KANTR: variants seen among roughly 807,000 people sequenced by gnomAD.
KANTR encodes KDM5C adjacent transcript.
chrX:53,132,616 G>A (rs1353700865), intron 2 of KANTR, among the ~76,000 whole-genome samples: 1 of 111,797 alleles, frequency 8.9e-6, no homozygotes, highest in Non-Finnish European at 1.9e-5. Context: ...TTGGGATTGG[G>A]GACTTTGGCC....
chrX:53,130,067 A>G (rs1369215964), downstream of KANTR, among the ~76,000 whole-genome samples: 1 of 110,721 alleles, frequency 9.0e-6, no homozygotes, highest in Non-Finnish European at 1.9e-5. Context: ...GGATTTCACC[A>G]TGTCGGTCAG....
chrX:53,100,935 C>T lies in KANTR; in HGVS notation c.-805+1327C>T, dbSNP rs142347312. Among the ~76,000 whole-genome samples, 1,073 of 112,695 alleles carry T rather than the reference C, an allele frequency of 9.5e-3. 14 individuals are homozygous for T. Among genetic ancestry groups the T allele is most frequent in the Non-Finnish European group, 0.014 (737 of 53,328 alleles). ...TTTATGTTACGGAGATGGCTTCTTT[C>T]CTTAAACCTCATGAACCGACTTTTG... On this transcript the variant is annotated intron_variant, in intron 2 of 2. Transcript: ENST00000604062.
At chrX:53,147,463 T>C (rs1462018280), downstream of KANTR, among the ~76,000 whole-genome samples, 1 of 111,516 alleles carries the variant, frequency 9.0e-6, no homozygotes, top group African/African-American at 3.3e-5. Context: ...CCTAGATTCA[T>C]AAAGCAAGTC....
At chrX:53,145,090 G>A (rs939009033), downstream of KANTR, among the ~76,000 whole-genome samples, 4 of 111,624 alleles carry the variant, frequency 3.6e-5, no homozygotes, top group Admixed American at 9.5e-5. Flanking sequence ...TGCAGAAGAC[G>A]GGTGATTTCT....
intron 2 of KANTR, among the ~76,000 whole-genome samples, chrX:53,104,085 G>C (rs1932918254): frequency 9.1e-6 from 1 of 110,373 alleles, no homozygotes. Flanking sequence ...TATTGCCCAG[G>C]CTGGACTTGA....
rs1556815936 is a variant in KANTR at position 53,124,324 on chromosome X, T to G, written c.52T>G (p.Phe18Val). Reference sequence around the variant, plus strand: ...GGTTATTTGTGCCTTCTCACTTTTTTTCTTGATCAATCTCACCAGAGGTTT... The same window carrying G: ...GGTTATTTGTGCCTTCTCACTTTTTGTCTTGATCAATCTCACCAGAGGTTT... The change falls in exon 3 of 3, where the codon TTC becomes GTC. Residue 18 changes from phenylalanine to valine, a missense_variant. Coordinates refer to ENST00000604062, the Ensembl canonical transcript of KANTR. 1.4e-5 allele frequency: 4 copies of G among 295,824 alleles called. No homozygotes were observed. In the East Asian group the frequency reaches 1.9e-4, roughly 14 times the overall value. 24.4% of individuals were successfully genotyped at this position (295,824 alleles called of 1,213,427 possible).
intron 2 of KANTR, among the ~76,000 whole-genome samples, chrX:53,115,251 A>ATGGCC (rs1244043718): frequency 2.7e-5 from 3 of 111,524 alleles, no homozygotes; most frequent in East Asian, 5.8e-4. Flanking sequence ...CTGGGACCAC[A>ATGGCC]TGGCCTGGCC....
intron 2 of KANTR, among the ~76,000 whole-genome samples, chrX:53,113,566 C>CTTTTT (rs782348418): frequency 4.3e-5 from 3 of 69,669 alleles, no homozygotes; most frequent in East Asian, 4.2e-4. Context: ...CCTGATTGTT[C>CTTTTT]TTTTTTTTTT....
At chrX:53,098,284 T>C (rs62595581) in intron 1 of KANTR, among the ~76,000 whole-genome samples, 3,153 of 111,196 alleles carry the variant, frequency 0.028, 38 homozygotes, top group Middle Eastern at 0.088. Context: ...GTATTTACCT[T>C]AATTTAAAAA....
Position 53,104,454 on chromosome X carries a change from T to C in KANTR, c.-805+4846T>C, listed in dbSNP as rs182508116. On this transcript the variant is annotated intron_variant, in intron 2 of 2. Transcript: ENST00000604062. The stretch of plus-strand genomic sequence containing the variant: ...GTTGGCCAGGGTGGTCTCAAACTCC[T>C]GACCTCAAGTGATCCACCCGCCTCG... Among the ~76,000 whole-genome samples the C allele has an allele frequency of 5.2e-3, 574 of 110,116 alleles. 2 individuals are homozygous for C. Among genetic ancestry groups the C allele is most frequent in the Non-Finnish European group, 9.3e-3 (491 of 52,753 alleles).
rs1411422366 is a variant in KANTR, at chrX:53,102,178, A to G, written c.-805+2570A>G. ...TTTGCCACAAACCTTCAATTAGTAA[A>G]AGACACAGTATCTGTGAAGTGCAGT... On this transcript the variant is annotated intron_variant, in intron 2 of 2. Transcript: ENST00000604062. Among the ~76,000 whole-genome samples the G allele has an allele frequency of 6.2e-5, 7 of 112,383 alleles. No individual in the cohort carries two copies. In the East Asian group the frequency reaches 2.0e-3, roughly 31 times the overall value.
chrX:53,145,171 C>CA (rs1933557021), downstream of KANTR, among the ~76,000 whole-genome samples: 2 of 111,266 alleles, frequency 1.8e-5, no homozygotes, highest in African/African-American at 6.5e-5. Context: ...ACAGTGGGTA[C>CA]AGTGCACTGA....
intron 2 of KANTR, among the ~76,000 whole-genome samples, chrX:53,140,558 C>G (rs1556818341): frequency 9.3e-6 from 1 of 107,643 alleles, no homozygotes; most frequent in African/African-American, 3.4e-5. Flanking sequence ...CAATTCTGTT[C>G]CTGGGTACAA....
intron 2 of KANTR, among the ~76,000 whole-genome samples, chrX:53,109,476 G>T (rs1273693018): frequency 9.0e-6 from 1 of 111,618 alleles, no homozygotes; most frequent in Non-Finnish European, 1.9e-5. Context: ...TAGAGATGGG[G>T]TTTCGCCATG....
intron 2 of KANTR, chrX:53,113,099 ATCT>A (rs1449222402): frequency 2.5e-5 from 7 of 277,505 alleles, no homozygotes; most frequent in East Asian, 1.1e-4. Flanking sequence ...CCTTTTGGCG[ATCT>A]TCTTCTTGCC....
chrX:53,126,815 A>G (rs992888609), exon 3 of KANTR: 22 of 111,363 alleles, frequency 2.0e-4, no homozygotes, highest in African/African-American at 7.2e-4. Flanking sequence ...TCTAGTACCT[A>G]TACTATTCTT....
At chrX:53,131,120 A>G (rs1180372123), downstream of KANTR, among the ~76,000 whole-genome samples, 1 of 110,900 alleles carries the variant, frequency 9.0e-6, no homozygotes, top group African/African-American at 3.3e-5. Flanking sequence ...TGATTCACAT[A>G]CTCAGAGGTA....
downstream of KANTR, among the ~76,000 whole-genome samples, chrX:53,146,988 A>G (rs2146764106): frequency 1.8e-5 from 2 of 112,330 alleles, no homozygotes; most frequent in Admixed American, 9.5e-5. Context: ...GGAAAGGAAC[A>G]ACTGGTACCA....
At chrX:53,131,856 T>A (rs1556817080), downstream of KANTR, among the ~76,000 whole-genome samples, 1 of 112,183 alleles carries the variant, frequency 8.9e-6, no homozygotes, top group East Asian at 2.8e-4. Context: ...GAAAATGTGA[T>A]CATCTATATA....
Sources: allele counts gnomAD v4.1 joint callset (sites outside exome capture counted in the v4.1 genomes callset), GRCh38; gene constraint gnomAD v4.1.1; transcripts MANE v1.5; gene names NCBI Gene and HGNC (gene_info 2026-07-23, HGNC 2026-07-21).